Variants in SRM observed in about 807,000 individuals in gnomAD.
SRM encodes the protein putrescine aminopropyltransferase.
In SRM, 14 loss-of-function variants were observed where a neutral mutation model predicts 39.3. The ratio of observed to expected loss-of-function variants is 0.36; its 90% CI spans 0.24 to 0.56. The LOEUF (loss-of-function observed/expected upper bound fraction) is 0.56. Ranked by LOEUF, SRM falls within the 20% of genes least tolerant of loss-of-function variation. The pLI, the probability that SRM is intolerant of heterozygous loss-of-function variation, is 0.86. For missense variants in SRM, 244 were observed against 409.2 expected, an observed-to-expected ratio of 0.60 and a Z score of 3.48; for synonymous variants, 195 against 173.1, an observed-to-expected ratio of 1.13 and a Z score of -0.99.
chr1:11,057,102 C>T (rs1351981799), intron 3 of SRM, among the ~76,000 whole-genome samples: 17 of 152,114 alleles, frequency 1.1e-4, no homozygotes, highest in Admixed American at 1.1e-3. Flanking sequence ...CTCGATCCTC[C>T]CACCTCGGCC....
intron 6 of SRM, 24 bp downstream of exon 6, chr1:11,055,757 C>CCCCCCCCAA: frequency 6.5e-7 from 1 of 1,530,844 alleles, no homozygotes; most frequent in Non-Finnish European, 8.8e-7. Flanking sequence ...CCCCAACCCC[C>CCCCCCCCAA]ACCCCCAGAC....
rs926765875 is a variant in SRM at position 11,056,138 on chromosome 1, C to A, written c.536-44G>T. ...GACACACTGAACAGTCTGGCTGTGA[C>A]CTCCAGGGCCACTGTCACCCACACA... On this transcript the variant is annotated intron_variant, in intron 4 of 7. Coordinates refer to ENST00000376957, the MANE Select transcript of SRM (RefSeq NM_003132.3). The A allele has an allele frequency of 5.2e-6, 8 of 1,526,070 alleles. No individual in the cohort carries two copies. In the Admixed American group the frequency reaches 6.2e-5, roughly 12 times the overall value. The allele number at this position is 1,526,070 out of a possible 1,614,324, so 94.5% of individuals were successfully genotyped here.
chr1:11,060,003 G>T lies in SRM; in HGVS notation c.-60C>A. The T allele has an allele frequency of 1.1e-6, 1 of 887,726 alleles. No homozygotes were observed. The highest frequency in any genetic ancestry group is 1.3e-6 in the Non-Finnish European group (1 of 743,006). 55.0% of individuals were successfully genotyped at this position (887,726 alleles called of 1,614,324 possible). On this transcript the variant is annotated 5_prime_UTR_variant, in exon 1 of 8. It adds an upstream start codon to the 5' untranslated region. Transcript: ENST00000376957. ...GGACTGCAGGCCGCGCGGCGCCGCAGCACAACGGGACCAGCTCCGCCCGCC... is the reference window on the plus strand; with the variant it reads ...GGACTGCAGGCCGCGCGGCGCCGCATCACAACGGGACCAGCTCCGCCCGCC...
intron 3 of SRM, among the ~76,000 whole-genome samples, chr1:11,057,871 C>A (rs569356460): frequency 6.6e-6 from 1 of 152,010 alleles, no homozygotes; most frequent in African/African-American, 2.4e-5. Flanking sequence ...TTCCGCCTCC[C>A]GGGCTCAAGT....
At chr1:11,055,647 C>A in intron 6 of SRM, 134 bp downstream of exon 6, 2 of 878,390 alleles carry the variant, frequency 2.3e-6, no homozygotes, top group Non-Finnish European at 3.5e-6. Context: ...GATCTCCTGA[C>A]CTTGTGATCT....
chr1:11,055,757 C>CCCCCCCCACA, intron 6 of SRM, 24 bp downstream of exon 6: 1 of 1,530,840 alleles, frequency 6.5e-7, no homozygotes, highest in African/African-American at 1.4e-5. Context: ...CCCCAACCCC[C>CCCCCCCCACA]ACCCCCAGAC....
rs1638845692 is a variant in SRM, at chr1:11,055,040, C to T, written c.810G>A (p.Gln270=). Residue 270 remains glutamine (Q), a synonymous_variant, in exon 7 of 8, where the codon CAG becomes CAA. Transcript: ENST00000376957. ...QEPVQPLTQQ[Q]VAQMQLKYYN... is the part of the protein sequence containing the mutation. ...AGTACTTCAGCTGCATCTGCGCCAC[C>T]TGCTGCTGTGTCAGCGGCTGCACCG... 6.2e-7 allele frequency: 1 copy of T among 1,612,518 alleles called. No homozygotes were observed. The highest frequency in any genetic ancestry group is 1.3e-5 in the African/African-American group (1 of 74,954).
chr1:11,055,847 A>G lies in SRM; in HGVS notation c.699T>C (p.Tyr233=), dbSNP rs1638867936. Residue 233 remains tyrosine (Y), a synonymous_variant, in exon 6 of 8, where the codon TAT becomes TAC. Coordinates refer to ENST00000376957, the MANE Select transcript of SRM (RefSeq NM_003132.3). ...GGTAGGTGGGGATGGTGCAGTAGGC[A>G]TAGGCCACCACGGGGAACAGGGACT... ...FCQSLFPVVA[Y]AYCTIPTYPS... 6.3e-7 allele frequency: 1 copy of G among 1,594,676 alleles called. No individual in the cohort carries two copies. Among genetic ancestry groups the G allele is most frequent in the Non-Finnish European group, 8.6e-7 (1 of 1,168,226 alleles).
intron 5 of SRM, 25 bp from the exon 6 acceptor site, chr1:11,055,951 C>T (rs1434873173): frequency 3.8e-6 from 6 of 1,589,052 alleles, no homozygotes; most frequent in African/African-American, 1.3e-5. Context: ...GCATCAGCAT[C>T]CGGCAGGGCC....
Position 11,054,734 on chromosome 1 carries a change from T to G in SRM, c.*131A>C. Reference sequence around the variant, plus strand: ...GCCCAGCAGGGCAGGCCGGGCAGCATTCTGGGGCTTGTAACACTTGGTTGG... The same window carrying G: ...GCCCAGCAGGGCAGGCCGGGCAGCAGTCTGGGGCTTGTAACACTTGGTTGG... On this transcript the variant is annotated 3_prime_UTR_variant, in exon 8 of 8. Coordinates refer to ENST00000376957, the MANE Select transcript of SRM (RefSeq NM_003132.3). This position sits in a 1 kb window ranked among gnomAD's most constrained non-coding sequence, Gnocchi z 4.8. 7.5e-7 allele frequency: 1 copy of G among 1,334,776 alleles called. No individual in the cohort carries two copies. The highest frequency in any genetic ancestry group is 1.0e-6 in the Non-Finnish European group (1 of 995,646). The allele number at this position is 1,334,776 out of a possible 1,614,324, so 82.7% of individuals were successfully genotyped here. A position where few individuals can be genotyped will look rare whatever the true frequency, so the allele number is the denominator to read the frequency against.
chr1:11,057,473 T>A (rs922110594), intron 3 of SRM, among the ~76,000 whole-genome samples: 8 of 149,520 alleles, frequency 5.4e-5, no homozygotes, highest in African/African-American at 1.2e-4. Context: ...TTTTTTTTTT[T>A]TTTTTATTTT....
Position 11,055,012 on chromosome 1 carries a change from TGTA to T in SRM, c.835_837del (p.Tyr279del), listed in dbSNP as rs766626615. ...AAGGCGGCGCGGTGCACGTCGGAGT[TGTA>T]GTACTTCAGCTGCATCTGCGCCACC... On this transcript the variant is annotated inframe_deletion, in exon 7 of 8. Coordinates refer to ENST00000376957, the MANE Select transcript of SRM (RefSeq NM_003132.3). The T allele has an allele frequency of 6.2e-7, 1 of 1,612,734 alleles. No individual in the cohort carries two copies. Among genetic ancestry groups the T allele is most frequent in the South Asian group, 1.1e-5 (1 of 91,060 alleles).
rs762440346 is a variant in SRM at position 11,058,876 on chromosome 1, C to T, written c.305G>A (p.Gly102Asp). 7.5e-6 allele frequency: 12 copies of T among 1,609,704 alleles called. No individual in the cohort carries two copies. The highest frequency in any genetic ancestry group is 1.0e-5 in the Non-Finnish European group (12 of 1,178,758). The change falls in exon 3 of 8, where the codon GGC becomes GAC. Residue 102 changes from glycine (G) to aspartate (D), a missense_variant. By Grantham distance (94) the Gly-to-Asp change is moderately conservative (BLOSUM62 -1). Transcript: ENST00000376957. The stretch of plus-strand genomic sequence containing the variant: ...CTCCCGCAGGACACCTCCATCTCCG[C>T]CCCCGATGATCAGCACCTGGGAGGA... The part of the protein sequence containing the change: ...PNPRKVLIIG[G>D]GDGGVLREVV...
chr1:11,055,752 A>ACCC, intron 6 of SRM, 29 bp downstream of exon 6: 1 of 1,466,024 alleles, frequency 6.8e-7, no homozygotes, highest in Non-Finnish European at 9.3e-7. Context: ...CTTCCCCCCA[A>ACCC]CCCCCACCCC....
At chr1:11,059,629 C>G (rs1354821641) in intron 1 of SRM, 148 bp downstream of exon 1, 6 of 1,058,898 alleles carry the variant, frequency 5.7e-6, no homozygotes, top group Non-Finnish European at 7.9e-6. Flanking sequence ...CAGCCCCAGC[C>G]CAGGGAGGCG....
intron 6 of SRM, among the ~76,000 whole-genome samples, chr1:11,055,417 GTT>G (rs763083486): frequency 3.6e-4 from 48 of 134,316 alleles, no homozygotes; most frequent in African/African-American, 1.1e-3. Flanking sequence ...CCTGGGGAGG[GTT>G]TTTTTTTTTT....
In SRM at chr1:11,055,787, C is replaced by G. The variant is rs200736807; in HGVS notation, c.759G>C (p.Lys253Asn). 4.0e-4 allele frequency: 488 copies of G among 1,226,418 alleles called. 4 individuals carry two copies. In the East Asian group the frequency reaches 0.023, roughly 57 times the overall value. The allele number at this position is 1,226,418 out of a possible 1,614,324, so 76.0% of individuals were successfully genotyped here. ...SGQIGFMLCSKNPSTNFQEPV... is the reference protein window; with the variant it reads ...SGQIGFMLCSNNPSTNFQEPV... Reference sequence around the variant, plus strand: ...CCAGACACCCCCATCTCACCGGGTTCTTGCTGCACAGCATGAAGCCGATCT... The same window carrying G: ...CCAGACACCCCCATCTCACCGGGTTGTTGCTGCACAGCATGAAGCCGATCT... The change falls in exon 6 of 8, where the codon AAG (lysine) becomes AAC (asparagine). Residue 253 changes from lysine to asparagine, a missense_variant. Coordinates refer to ENST00000376957, the MANE Select transcript of SRM (RefSeq NM_003132.3).
Position 11,058,837 on chromosome 1 carries a change from G to A in SRM, c.344C>T (p.Pro115Leu), listed in dbSNP as rs1235012676. The change falls in exon 3 of 8, where the codon CCC becomes CTC. Residue 115 changes from proline (P) to leucine (L), a missense_variant. Physicochemically the swap from Pro to Leu is moderately conservative, Grantham distance 98 (BLOSUM62 -3). Transcript: ENST00000376957. Reference sequence around the variant, plus strand: ...ACACTGGACCACGGACTCCACGGAGGGGTGCTTCACCACCTCCCGCAGGAC... The same window carrying A: ...ACACTGGACCACGGACTCCACGGAGAGGTGCTTCACCACCTCCCGCAGGAC... The part of the protein sequence containing the change: ...GGVLREVVKH[P>L]SVESVVQCEI... 2 of 1,611,818 alleles carry A rather than the reference G, an allele frequency of 1.2e-6. No homozygotes were observed. Among genetic ancestry groups the A allele is most frequent in the East Asian group, 2.2e-5 (1 of 44,834 alleles).
intron 1 of SRM, 179 bp from the exon 2 acceptor site, chr1:11,059,524 C>CG: frequency 9.0e-7 from 1 of 1,112,264 alleles, no homozygotes; most frequent in East Asian, 2.5e-5. Flanking sequence ...GGGTGGGACC[C>CG]GGGGTCTCCT....
Sources: gnomAD v4.1 joint callset for allele counts (sites outside exome capture counted in the v4.1 genomes callset) on GRCh38, gnomAD v4.1.1 for gene constraint, Gnocchi (gnomAD v3.1) non-coding constraint, MANE v1.5 for transcripts, NCBI Gene and HGNC (gene_info 2026-07-23, HGNC 2026-07-21) for gene names.